The following RAB7A variants were observed in gnomAD, a reference collection of about 807,000 sequenced individuals.
The protein encoded by RAB7A is RAB7A, member RAS oncogene family, also known as ras-related protein Rab-7a.
A neutral mutation model predicts 24.5 loss-of-function variants in RAB7A; 2 were observed. The observed-to-expected ratio is 0.08, with a 90% confidence interval of 0.03 to 0.26. The LOEUF is 0.26. RAB7A is among the 10% of genes least tolerant of loss of function. The pLI is 1.00. For synonymous variants in RAB7A, 100 were observed against 95.9 expected (o/e 1.04, Z -0.25); for missense variants, 118 against 255.7 (o/e 0.46, Z 3.67).
chr3:128,784,719 G>T (rs1161833011), intron 1 of RAB7A, among the ~76,000 whole-genome samples: 4 of 152,078 alleles, frequency 2.6e-5, no homozygotes, highest in African/African-American at 4.8e-5. Context: ...TCCAGGTTCA[G>T]TTCTTCCCAG....
intron 1 of RAB7A, among the ~76,000 whole-genome samples, chr3:128,747,859 A>G (rs1002794897): frequency 1.6e-4 from 24 of 151,218 alleles, no homozygotes; most frequent in East Asian, 5.9e-4. Context: ...CCTCCGCCTC[A>G]TGGGCTCAAG....
intron 1 of RAB7A, among the ~76,000 whole-genome samples, chr3:128,776,870 A>G (rs996499638): frequency 5.3e-5 from 8 of 151,108 alleles, no homozygotes; most frequent in African/African-American, 1.5e-4. Flanking sequence ...TCTTTTTGGT[A>G]GTAGCCATTC....
chr3:128,746,022 T>C (rs1249283410), intron 1 of RAB7A, among the ~76,000 whole-genome samples: 1 of 152,238 alleles, frequency 6.6e-6, no homozygotes, highest in Non-Finnish European at 1.5e-5. Flanking sequence ...GCTCGGGATC[T>C]TGTTGCTTTC....
intron 3 of RAB7A, among the ~76,000 whole-genome samples, chr3:128,803,428 G>A (rs1933738708): frequency 6.6e-6 from 1 of 152,082 alleles, no homozygotes; most frequent in Non-Finnish European, 1.5e-5. Context: ...AGAATATAGG[G>A]AGTGGAACAG....
intron 1 of RAB7A, among the ~76,000 whole-genome samples, chr3:128,759,929 C>G (rs2070763996): frequency 6.6e-6 from 1 of 152,148 alleles, no homozygotes; most frequent in Admixed American, 6.5e-5. Context: ...AGGCTGGTCT[C>G]TAACTCCCGA....
At chr3:128,787,094 T>G (rs546440705) in intron 1 of RAB7A, among the ~76,000 whole-genome samples, 2 of 152,190 alleles carry the variant, frequency 1.3e-5, no homozygotes, top group Non-Finnish European at 2.9e-5. Context: ...TTGTCTTCAT[T>G]CTTTCGTACC....
chr3:128,798,825 A>G, intron 3 of RAB7A: 1 of 198,610 alleles, frequency 5.0e-6, no homozygotes, highest in Admixed American at 6.2e-5. Flanking sequence ...TAAATTTAAA[A>G]AAAAAAAAAA....
chr3:128,812,251 A>G (rs533021563), intron 5 of RAB7A, among the ~76,000 whole-genome samples: 5 of 152,274 alleles, frequency 3.3e-5, no homozygotes, highest in Admixed American at 2.0e-4. Flanking sequence ...AGTAGCTGGG[A>G]TTATAGGTGC....
chr3:128,773,849 A>C (rs1933014604), intron 1 of RAB7A, among the ~76,000 whole-genome samples: 1 of 152,020 alleles, frequency 6.6e-6, no homozygotes, highest in African/African-American at 2.4e-5. Context: ...GGGCGGTGCA[A>C]GATGTGCTTT....
intron 5 of RAB7A, among the ~76,000 whole-genome samples, chr3:128,812,942 C>G (rs1417626554): frequency 1.3e-5 from 2 of 152,204 alleles, no homozygotes; most frequent in Non-Finnish European, 2.9e-5. Context: ...AAATCCAGAC[C>G]ATTGTTAACC....
At chr3:128,746,898 T>TATA (rs899317388) in intron 1 of RAB7A, among the ~76,000 whole-genome samples, 1 of 151,764 alleles carries the variant, frequency 6.6e-6, no homozygotes, top group Admixed American at 6.6e-5. Context: ...AGGTGATAGA[T>TATA]ATATGTTAGT....
At chr3:128,806,749 C>T (rs1006226371) in intron 4 of RAB7A, among the ~76,000 whole-genome samples, 159 bp downstream of exon 4, 6 of 152,300 alleles carry the variant, frequency 3.9e-5, no homozygotes, top group African/African-American at 7.2e-5. Flanking sequence ...CTTTAAGGAC[C>T]GGGACCCAGG....
chr3:128,746,504 AT>A (rs973683919), intron 1 of RAB7A, among the ~76,000 whole-genome samples: 15 of 150,476 alleles, frequency 1.0e-4, no homozygotes, highest in African/African-American at 2.4e-4. Flanking sequence ...ATTTTTATTT[AT>A]TTTTTTTATT....
intron 1 of RAB7A, among the ~76,000 whole-genome samples, chr3:128,775,741 TC>T (rs1933072918): frequency 6.6e-6 from 1 of 152,180 alleles, no homozygotes; most frequent in African/African-American, 2.4e-5. Context: ...TAAGTAGAAT[TC>T]TTTTTTTTTA....
At chr3:128,741,299 G>C (rs1205169648) in intron 1 of RAB7A, among the ~76,000 whole-genome samples, 1 of 151,984 alleles carries the variant, frequency 6.6e-6, no homozygotes, top group Non-Finnish European at 1.5e-5. Flanking sequence ...AGACTTTTCT[G>C]TAGTCACATC....
intron 3 of RAB7A, among the ~76,000 whole-genome samples, chr3:128,803,199 A>T (rs1178399214): frequency 2.0e-5 from 3 of 152,202 alleles, no homozygotes; most frequent in Non-Finnish European, 4.4e-5. Context: ...GAAAAAATAC[A>T]AAGTGAAAAC....
chr3:128,813,495 TCTC>T lies in RAB7A; in HGVS notation c.*77_*79del. 7.2e-7 allele frequency: 1 copy of T among 1,384,096 alleles called. No individual in the cohort carries two copies. Among genetic ancestry groups the T allele is most frequent in the Non-Finnish European group, 1.0e-6 (1 of 974,168 alleles). The allele number at this position is 1,384,096 out of a possible 1,614,324, so 85.7% of individuals were successfully genotyped here. A position where few individuals can be genotyped will look rare whatever the true frequency, so the allele number is the denominator to read the frequency against. On this transcript the variant is annotated 3_prime_UTR_variant, in exon 6 of 6. Transcript: ENST00000265062. ...ACGTAGGCCTTCAACACAATTCCCC[TCTC>T]CTCTTCCAAACAAAACATACATTGA...
At chr3:128,745,808 CA>C (rs1322262545) in intron 1 of RAB7A, among the ~76,000 whole-genome samples, 1 of 152,240 alleles carries the variant, frequency 6.6e-6, no homozygotes, top group Non-Finnish European at 1.5e-5. Flanking sequence ...TTGAAGGCCA[CA>C]GGGGTGCCAG....
At chr3:128,743,863 C>G (rs545946274) in intron 1 of RAB7A, among the ~76,000 whole-genome samples, 1 of 150,728 alleles carries the variant, frequency 6.6e-6, no homozygotes, top group Non-Finnish European at 1.5e-5. Context: ...GATTTCGGCT[C>G]ACTGCAACCT....
Sources: gnomAD v4.1 joint callset for allele counts (sites outside exome capture counted in the v4.1 genomes callset) on GRCh38, gnomAD v4.1.1 for gene constraint, MANE v1.5 for transcripts, NCBI Gene and HGNC (gene_info 2026-07-23, HGNC 2026-07-21) for gene names.